HDAC9: variants seen among roughly 807,000 people sequenced by gnomAD.
HDAC9 encodes the protein histone deacetylase 9.
A neutral mutation model predicts 139.4 loss-of-function variants in HDAC9; 41 were observed. The observed-to-expected ratio is 0.29, with a 90% CI of 0.23 to 0.38. HDAC9 has a LOEUF of 0.38. Among genes scored for constraint, HDAC9 ranks in the 10% least tolerant of loss-of-function variants. The pLI, the probability that HDAC9 is intolerant of heterozygous loss-of-function variation, is 1.00. For synonymous variants in HDAC9, 517 were observed against 476.2 expected (o/e 1.09, Z -1.12); for missense variants, 1,147 against 1,297.0 (o/e 0.88, Z 1.78).
At chr7:18,416,729 T>G (rs1018062424) in intron 1 of HDAC9, among the ~76,000 whole-genome samples, 1 of 152,180 alleles carries the variant, frequency 6.6e-6, no homozygotes, top group Admixed American at 6.5e-5. Flanking sequence ...ATCTATAGAA[T>G]TTGTAGTAAT....
intron 21 of HDAC9, among the ~76,000 whole-genome samples, chr7:18,838,528 A>T (rs981272155): frequency 2.0e-5 from 3 of 152,024 alleles, no homozygotes; most frequent in Non-Finnish European, 4.4e-5. Context: ...AAAGAAAATG[A>T]ATCATATTTT....
At chr7:18,428,334 G>A (rs1790317416) in intron 1 of HDAC9, among the ~76,000 whole-genome samples, 1 of 151,994 alleles carries the variant, frequency 6.6e-6, no homozygotes, top group African/African-American at 2.4e-5. Context: ...AGAGTGAAAA[G>A]GCAACCTAGA....
chr7:18,105,763 G>C (rs1783154869), intron 1 of HDAC9, among the ~76,000 whole-genome samples: 1 of 151,808 alleles, frequency 6.6e-6, no homozygotes, highest in Non-Finnish European at 1.5e-5. Context: ...CATATTTCCA[G>C]ACAAAAATGT....
chr7:18,629,369 G>A lies in HDAC9; in HGVS notation c.684G>A (p.Lys228=). ...LRKTASEPNL[K]VRSRLKQKVA... is the part of the protein sequence containing the mutation. ...CCCCAGCCTCTGAGCCCAACTTGAA[G>A]GTGCGGTCCAGGTTAAAACAGAAAG... The change falls in exon 7 of 26, where the codon AAG becomes AAA. Residue 228 remains lysine, a synonymous_variant. Coordinates refer to ENST00000686413, the MANE Select transcript of HDAC9 (RefSeq NM_178425.4). 6.3e-7 allele frequency: 1 copy of A among 1,598,880 alleles called. No homozygotes were observed. The highest frequency in any genetic ancestry group is 8.5e-7 in the Non-Finnish European group (1 of 1,173,470).
At chr7:18,578,653 G>A (rs112260556) in intron 2 of HDAC9, among the ~76,000 whole-genome samples, 44 of 152,296 alleles carry the variant, frequency 2.9e-4, no homozygotes, top group South Asian at 1.7e-3. Context: ...AAGAAGTGGC[G>A]CTAGCATCCT....
At chr7:18,333,506 G>T (rs984218575) in intron 1 of HDAC9, among the ~76,000 whole-genome samples, 3 of 151,336 alleles carry the variant, frequency 2.0e-5, no homozygotes, top group Non-Finnish European at 4.4e-5. Context: ...ATGTCATCAG[G>T]ATATAAACCT....
At chr7:18,793,541 G>C in intron 17 of HDAC9, 89 bp downstream of exon 17, 1 of 878,576 alleles carries the variant, frequency 1.1e-6, no homozygotes, top group Non-Finnish European at 1.9e-6. Flanking sequence ...GGAGTGTGGC[G>C]TGGTAATAAA....
intron 1 of HDAC9, among the ~76,000 whole-genome samples, chr7:18,317,186 G>A (rs1435213440): frequency 6.6e-6 from 1 of 150,816 alleles, no homozygotes; most frequent in Non-Finnish European, 1.5e-5. Context: ...GACAGAGTGA[G>A]ACTCTGTCTC....
chr7:18,902,932 T>C (rs1801867321), intron 22 of HDAC9, among the ~76,000 whole-genome samples: 1 of 152,202 alleles, frequency 6.6e-6, no homozygotes, highest in Non-Finnish European at 1.5e-5. Flanking sequence ...AGTAATAGTA[T>C]TTATTTACAT....
chr7:18,160,662 G>C (rs1240149851), intron 1 of HDAC9, among the ~76,000 whole-genome samples: 1 of 152,068 alleles, frequency 6.6e-6, no homozygotes, highest in Non-Finnish European at 1.5e-5. Context: ...TGTTGCCCAG[G>C]CTGGAGTGGA....
chr7:18,546,770 A>T (rs1236423973), intron 2 of HDAC9, among the ~76,000 whole-genome samples: 1 of 152,206 alleles, frequency 6.6e-6, no homozygotes, highest in Non-Finnish European at 1.5e-5. Context: ...CTGAGTCACC[A>T]GTCTCCCCTC....
intron 1 of HDAC9, among the ~76,000 whole-genome samples, chr7:18,421,175 G>T (rs761783531): frequency 4.6e-5 from 7 of 152,142 alleles, no homozygotes; most frequent in Non-Finnish European, 1.0e-4. Context: ...TTAGATAGTT[G>T]ATTCTGTAGT....
chr7:18,154,273 A>G (rs1157690326), intron 1 of HDAC9, among the ~76,000 whole-genome samples: 1 of 152,218 alleles, frequency 6.6e-6, no homozygotes, highest in Non-Finnish European at 1.5e-5. Context: ...ATAGCACAGT[A>G]TATTTCCTTA....
intron 2 of HDAC9, among the ~76,000 whole-genome samples, chr7:18,499,993 C>T (rs1390508388): frequency 2.6e-5 from 4 of 151,980 alleles, no homozygotes; most frequent in African/African-American, 9.7e-5. Context: ...TCTGGTATTC[C>T]CCATAATTAC....
intron 1 of HDAC9, among the ~76,000 whole-genome samples, chr7:18,404,454 G>C (rs894012530): frequency 6.6e-6 from 1 of 152,172 alleles, no homozygotes; most frequent in South Asian, 2.1e-4. Context: ...CTAGGATTAC[G>C]CTAGACTGTA....
At chr7:18,460,077 G>A (rs185109319) in intron 1 of HDAC9, among the ~76,000 whole-genome samples, 3 of 151,252 alleles carry the variant, frequency 2.0e-5, no homozygotes, top group East Asian at 3.9e-4. Context: ...GTACTACCAC[G>A]CACCACTGAT....
intron 22 of HDAC9, among the ~76,000 whole-genome samples, chr7:18,913,890 TA>T (rs1467970873): frequency 6.6e-6 from 1 of 152,024 alleles, no homozygotes; most frequent in East Asian, 1.9e-4. Flanking sequence ...GGTAAATATT[TA>T]AAAAGTAGCT....
At chr7:18,810,386 C>G (rs1418912860) in intron 17 of HDAC9, among the ~76,000 whole-genome samples, 5 of 151,832 alleles carry the variant, frequency 3.3e-5, no homozygotes, top group Admixed American at 6.6e-5. Context: ...AGTATGTGGG[C>G]ACCTTTGGGG....
At chr7:18,125,434 T>C (rs202215542) in intron 1 of HDAC9, among the ~76,000 whole-genome samples, 1 of 74,624 alleles carries the variant, frequency 1.3e-5, no homozygotes, top group Admixed American at 1.1e-4. Flanking sequence ...TATATATGCG[T>C]GTGTGTGTGT....
Sources: allele counts gnomAD v4.1 joint callset (sites outside exome capture counted in the v4.1 genomes callset), GRCh38; gene constraint gnomAD v4.1.1; transcripts MANE v1.5; gene names NCBI Gene and HGNC (gene_info 2026-07-23, HGNC 2026-07-21).